The following GPHN variants were observed in gnomAD, a reference collection of about 807,000 sequenced individuals.
The protein encoded by GPHN is gephyrin.
A neutral mutation model predicts 95.5 loss-of-function variants in GPHN; 17 were observed. The ratio of observed to expected loss-of-function variants is 0.18; its 90% confidence interval spans 0.12 to 0.27. The LOEUF is 0.27. Among genes scored for constraint, GPHN ranks in the 10% least tolerant of loss-of-function variants. The pLI, the probability that GPHN is intolerant of heterozygous loss-of-function variation, is 1.00. For synonymous variants in GPHN, 320 were observed against 322.5 expected (o/e 0.99, Z 0.08); for missense variants, 660 against 978.1 (o/e 0.67, Z 4.34).
At chr14:66,829,538 G>C (rs1344778311) in intron 4 of GPHN, among the ~76,000 whole-genome samples, 1 of 151,946 alleles carries the variant, frequency 6.6e-6, no homozygotes, top group African/African-American at 2.4e-5. Flanking sequence ...AGCAATGTAT[G>C]TCCAAAAAAG....
the GPHN span, among the ~76,000 whole-genome samples, chr14:67,280,717 C>G: frequency 4.9e-4 from 75 of 152,210 alleles, no homozygotes; most frequent in African/African-American, 1.6e-3. Context: ...GCACCTTTTT[C>G]TAATTTGGCC....
At chr14:66,997,803 C>T (rs2071921451) in intron 9 of GPHN, among the ~76,000 whole-genome samples, 1 of 152,106 alleles carries the variant, frequency 6.6e-6, no homozygotes, top group Non-Finnish European at 1.5e-5. Flanking sequence ...CTTCTTGAAA[C>T]ATACCACTAG....
chr14:67,521,477 G>A, the GPHN span, among the ~76,000 whole-genome samples: 525 of 152,314 alleles, frequency 3.4e-3, 3 homozygotes, highest in African/African-American at 0.012. Flanking sequence ...TGGGAAAGGG[G>A]TAGGTAGGTA....
chr14:67,105,647 T>A (rs2077992689), intron 13 of GPHN, among the ~76,000 whole-genome samples: 1 of 151,988 alleles, frequency 6.6e-6, no homozygotes. Flanking sequence ...TAAATGTGGC[T>A]ACTTTTACCT....
At chr14:67,681,180 G>C in the GPHN span, among the ~76,000 whole-genome samples, 1 of 152,210 alleles carries the variant, frequency 6.6e-6, no homozygotes, top group Non-Finnish European at 1.5e-5. Context: ...TGTGTACATA[G>C]AGGAAAGGCC....
chr14:67,383,560 G>A, the GPHN span: 38 of 1,388,482 alleles, frequency 2.7e-5, no homozygotes, highest in Non-Finnish European at 3.6e-5. Flanking sequence ...TTATTTCTAA[G>A]TATTTAAATG....
the GPHN span, among the ~76,000 whole-genome samples, chr14:67,661,758 T>C: frequency 9.9e-5 from 15 of 152,096 alleles, no homozygotes; most frequent in Admixed American, 8.5e-4. Context: ...GGTCTTGAAC[T>C]TCTGGCCTCA....
At chr14:67,581,344 G>A in the GPHN span, among the ~76,000 whole-genome samples, 88 of 151,980 alleles carry the variant, frequency 5.8e-4, no homozygotes, top group Admixed American at 1.3e-3. Flanking sequence ...GGGCAACATG[G>A]CAAAACCCCA....
chr14:67,021,456 G>A lies in GPHN; in HGVS notation c.964-2177G>A, dbSNP rs141880091. The stretch of plus-strand genomic sequence containing the variant: ...TTTGAAATATGTAGTTCTAAACTGA[G>A]GTGCCACAAAGCAACACTTGGGTTT... On this transcript the variant is annotated intron_variant, in intron 9 of 22. Coordinates refer to ENST00000478722, the MANE Select transcript of GPHN (RefSeq NM_020806.5). Among the ~76,000 whole-genome samples, 111 of 152,166 alleles carry A rather than the reference G, an allele frequency of 7.3e-4. 1 individual carries two copies. The highest frequency in any genetic ancestry group is 3.4e-3 in the Middle Eastern group (1 of 294).
intron 2 of GPHN, among the ~76,000 whole-genome samples, chr14:66,700,276 A>G (rs2068435493): frequency 6.6e-6 from 1 of 152,208 alleles, no homozygotes; most frequent in African/African-American, 2.4e-5. Context: ...AGAGAGAGGC[A>G]CTTAGCTACT....
chr14:67,328,199 T>C, the GPHN span, among the ~76,000 whole-genome samples: 4 of 152,214 alleles, frequency 2.6e-5, no homozygotes, highest in South Asian at 2.1e-4. Flanking sequence ...TGGTATCTCA[T>C]TGTGGTTTTG....
chr14:66,863,818 A>G (rs1022276609), intron 4 of GPHN, among the ~76,000 whole-genome samples: 26 of 152,150 alleles, frequency 1.7e-4, no homozygotes, highest in Non-Finnish European at 3.4e-4. Flanking sequence ...AAATCAAATC[A>G]CAGTAGATTA....
chr14:67,059,743 C>T (rs17103853), intron 11 of GPHN, among the ~76,000 whole-genome samples: 8,293 of 152,224 alleles, frequency 0.054, 239 homozygotes, highest in Middle Eastern at 0.068. Context: ...TTAGCTCTTT[C>T]GTCTGTGTCC....
chr14:67,594,356 C>T, the GPHN span, among the ~76,000 whole-genome samples: 15 of 151,996 alleles, frequency 9.9e-5, no homozygotes, highest in East Asian at 1.9e-3. Context: ...CTCTAAAAAT[C>T]GAAAGGACCC....
intron 6 of GPHN, among the ~76,000 whole-genome samples, chr14:66,919,413 C>T (rs1275406599): frequency 6.6e-6 from 1 of 152,104 alleles, no homozygotes; most frequent in African/African-American, 2.4e-5. Flanking sequence ...ACAGCAAAAT[C>T]AACCATCAAA....
At chr14:66,965,071 G>A (rs983942215) in intron 8 of GPHN, 120 bp from the exon 9 acceptor site, 1 of 817,288 alleles carries the variant, frequency 1.2e-6, no homozygotes, top group African/African-American at 1.7e-5. Context: ...ATACCTAACA[G>A]TAAGTGACAC....
At chr14:66,809,178 G>A (rs1312497862) in intron 3 of GPHN, among the ~76,000 whole-genome samples, 1 of 152,164 alleles carries the variant, frequency 6.6e-6, no homozygotes, top group East Asian at 1.9e-4. Flanking sequence ...ATAAGAGACA[G>A]AGACAGACCA....
At chr14:67,126,666 A>G (rs546458121) in intron 17 of GPHN, among the ~76,000 whole-genome samples, 2 of 152,322 alleles carry the variant, frequency 1.3e-5, no homozygotes, top group Admixed American at 1.3e-4. Flanking sequence ...AACTAGTTCA[A>G]CCATTGTGGA....
intron 2 of GPHN, among the ~76,000 whole-genome samples, chr14:66,733,936 G>A (rs1029788987): frequency 2.6e-5 from 4 of 151,968 alleles, no homozygotes; most frequent in African/African-American, 4.8e-5. Flanking sequence ...CATCACCACC[G>A]CCATTGCCAC....
Sources: gnomAD v4.1 joint callset for allele counts (sites outside exome capture counted in the v4.1 genomes callset) on GRCh38, gnomAD v4.1.1 for gene constraint, MANE v1.5 for transcripts, NCBI Gene and HGNC (gene_info 2026-07-23, HGNC 2026-07-21) for gene names.